The following PDE4D variants were observed in gnomAD, a reference collection of about 807,000 sequenced individuals.
PDE4D encodes 3',5'-cyclic-AMP phosphodiesterase 4D.
PDE4D carries 24 observed loss-of-function variants against 87.4 expected under a neutral mutation model. That is an observed-to-expected ratio of 0.27 (90% CI 0.20 to 0.39). PDE4D has a LOEUF of 0.39. Among genes scored for constraint, PDE4D ranks in the 10% least tolerant of loss-of-function variants. PDE4D has a pLI of 1.00. For missense variants in PDE4D, 714 were observed against 1,041.0 expected, an observed-to-expected ratio of 0.69 and a Z score of 4.32; for synonymous variants, 384 against 383.2, an observed-to-expected ratio of 1.00 and a Z score of -0.02.
intron 1 of PDE4D, among the ~76,000 whole-genome samples, chr5:59,814,640 G>T (rs1768774608): frequency 6.6e-6 from 1 of 152,182 alleles, no homozygotes; most frequent in African/African-American, 2.4e-5. Flanking sequence ...CCAGTTGACA[G>T]TTCACCAAAG....
chr5:60,272,181 T>C (rs1332468935), intron 1 of PDE4D, among the ~76,000 whole-genome samples: 1 of 152,252 alleles, frequency 6.6e-6, no homozygotes, highest in Admixed American at 6.5e-5. Flanking sequence ...ATTAAAATTA[T>C]GCTCTGCAGA....
intron 1 of PDE4D, among the ~76,000 whole-genome samples, chr5:59,837,214 C>T (rs1561742684): frequency 6.6e-6 from 1 of 152,032 alleles, no homozygotes; most frequent in South Asian, 2.1e-4. Context: ...TTATTCAACA[C>T]ATATTTATTG....
At chr5:60,052,262 T>C (rs1056275458) in intron 2 of PDE4D, among the ~76,000 whole-genome samples, 8 of 152,198 alleles carry the variant, frequency 5.3e-5, no homozygotes, top group Non-Finnish European at 1.0e-4. Context: ...CCGATATCCC[T>C]GATGAATATC....
intron 1 of PDE4D, among the ~76,000 whole-genome samples, chr5:59,493,168 T>G (rs1289712145): frequency 6.6e-6 from 1 of 152,188 alleles, no homozygotes; most frequent in Admixed American, 6.5e-5. Flanking sequence ...TGCAATATTT[T>G]AGGCATTTTG....
chr5:59,636,617 G>A (rs1355881347), intron 1 of PDE4D, among the ~76,000 whole-genome samples: 1 of 152,126 alleles, frequency 6.6e-6, no homozygotes, highest in Non-Finnish European at 1.5e-5. Flanking sequence ...ACAACCATCT[G>A]ATCTTTGACA....
chr5:59,751,345 A>C (rs1760426395), intron 1 of PDE4D, among the ~76,000 whole-genome samples: 1 of 152,158 alleles, frequency 6.6e-6, no homozygotes, highest in Admixed American at 6.6e-5. Flanking sequence ...CTATTTCAGA[A>C]GGATTATCTT....
chr5:60,088,906 T>C (rs1774815821), intron 2 of PDE4D, among the ~76,000 whole-genome samples: 1 of 152,040 alleles, frequency 6.6e-6, no homozygotes, highest in African/African-American at 2.4e-5. Flanking sequence ...GATCCAACTA[T>C]ATGCTGTCTA....
At chr5:60,326,087 T>C (rs1756762488) in intron 1 of PDE4D, among the ~76,000 whole-genome samples, 3 of 152,172 alleles carry the variant, frequency 2.0e-5, no homozygotes, top group Admixed American at 2.0e-4. Flanking sequence ...TCTGTGTTGC[T>C]TCCAGTTTTA....
chr5:60,079,409 G>C (rs1357053321), intron 2 of PDE4D, among the ~76,000 whole-genome samples: 1 of 152,094 alleles, frequency 6.6e-6, no homozygotes, highest in African/African-American at 2.4e-5. Context: ...TTTGGCTTTT[G>C]TTGCAATTGC....
intron 1 of PDE4D, among the ~76,000 whole-genome samples, chr5:59,650,578 T>C (rs1322226437): frequency 2.0e-5 from 3 of 152,194 alleles, no homozygotes; most frequent in Non-Finnish European, 4.4e-5. Context: ...CTTTAGCCAA[T>C]ATCCATTCTT....
chr5:60,197,752 CAATGTT>C (rs2149536606), intron 1 of PDE4D, among the ~76,000 whole-genome samples: 1 of 151,636 alleles, frequency 6.6e-6, no homozygotes, highest in Non-Finnish European at 1.5e-5. Context: ...TGAAGAAACT[CAATGTT>C]AATTAAAAGA....
chr5:59,218,084 C>A, intron 1 of PDE4D: 1 of 390,024 alleles, frequency 2.6e-6, no homozygotes, highest in Non-Finnish European at 5.1e-6. Flanking sequence ...TTAAAAACTT[C>A]TAAATAGTGG....
intron 1 of PDE4D, among the ~76,000 whole-genome samples, chr5:60,308,678 A>G (rs1053335814): frequency 6.6e-6 from 1 of 152,230 alleles, no homozygotes; most frequent in Non-Finnish European, 1.5e-5. Flanking sequence ...CTAACACAGC[A>G]TGGTTTATAA....
intron 1 of PDE4D, among the ~76,000 whole-genome samples, chr5:59,687,212 T>A (rs1028452947): frequency 6.6e-6 from 1 of 151,876 alleles, no homozygotes; most frequent in Non-Finnish European, 1.5e-5. Context: ...TAAAAGAAAA[T>A]TACCCTCTAG....
intron 1 of PDE4D, among the ~76,000 whole-genome samples, chr5:59,744,046 G>T (rs1759250834): frequency 6.6e-6 from 1 of 152,134 alleles, no homozygotes; most frequent in Non-Finnish European, 1.5e-5. Flanking sequence ...ATGTCAGCTT[G>T]TTAACCAATA....
chr5:60,023,370 A>C (rs1448407682), intron 2 of PDE4D, among the ~76,000 whole-genome samples: 1 of 152,082 alleles, frequency 6.6e-6, no homozygotes, highest in Non-Finnish European at 1.5e-5. Flanking sequence ...AGCATGGTTT[A>C]TACCTACCAT....
chr5:59,196,686 T>C (rs554325109), intron 2 of PDE4D, among the ~76,000 whole-genome samples: 78 of 152,138 alleles, frequency 5.1e-4, no homozygotes, highest in Admixed American at 1.2e-3. Context: ...CCAAACATTC[T>C]TGGGAGTGGT....
chr5:60,150,489 G>A (rs1039979057), intron 2 of PDE4D, among the ~76,000 whole-genome samples: 4 of 152,008 alleles, frequency 2.6e-5, no homozygotes, highest in African/African-American at 4.8e-5. Context: ...GAGCTGCTAT[G>A]CAACAAGATA....
At position 60,145,341 on chromosome 5, in the gene PDE4D, T is replaced by C. The variant is rs115777002; in HGVS notation, c.42+40216A>G. Among the ~76,000 whole-genome samples, 1,055 of 152,308 alleles carry C rather than the reference T, an allele frequency of 6.9e-3. 10 individuals are homozygous for C. Among genetic ancestry groups the C allele is most frequent in the African/African-American group, 0.024 (1,002 of 41,560 alleles). The stretch of plus-strand genomic sequence containing the variant: ...TCTCCAAGGACTGACAAGCTGTATG[T>C]TTATTTATGAGACCTTAATCCAAAC... On this transcript the variant is annotated intron_variant, in intron 2 of 16. Coordinates refer to the PDE4D transcript ENST00000502484.
Sources: gnomAD v4.1 joint callset for allele counts (sites outside exome capture counted in the v4.1 genomes callset) on GRCh38, gnomAD v4.1.1 for gene constraint, MANE v1.5 for transcripts, NCBI Gene and HGNC (gene_info 2026-07-23, HGNC 2026-07-21) for gene names.